Variants in PHB2 observed in about 807,000 individuals in gnomAD.
PHB2 encodes the protein prohibitin 2, also known as prohibitin-2.
Under a neutral mutation model 46.4 loss-of-function variants are expected in PHB2, and 22 were observed. That is an observed-to-expected ratio of 0.47 (90% CI 0.34 to 0.68). The LOEUF is 0.68. PHB2 is among the 30% of genes least tolerant of loss of function. The probability of loss-of-function intolerance (pLI) is 0.01; values close to 1 mark genes in which losing one functional copy is unlikely to be tolerated. For missense variants in PHB2, 305 were observed against 382.8 expected (o/e 0.80, Z 1.70); for synonymous variants, 156 against 150.5 (o/e 1.04, Z -0.27).
In PHB2 at chr12:6,965,829, G is replaced by A. The variant is rs1946203094; in HGVS notation, c.872+82C>T. 6 of 1,578,702 alleles carry A rather than the reference G, an allele frequency of 3.8e-6. No individual in the cohort carries two copies. The South Asian group carries it at 4.5e-5, about 12-fold the overall frequency. ...ACCCTGATTGAGGGTTTGTCTTCGG[G>A]GAGGTGGGAAAGGGGGTAGGGTAGG... On this transcript the variant is annotated intron_variant, in intron 9 of 9. Coordinates refer to ENST00000535923, the MANE Select transcript of PHB2 (RefSeq NM_001144831.2).
Position 6,969,563 on chromosome 12 carries a change from T to A in PHB2, c.227A>T (p.Gln76Leu). 6.2e-7 allele frequency: 1 copy of A among 1,606,782 alleles called. No individual in the cohort carries two copies. The highest frequency in any genetic ancestry group is 8.5e-7 in the Non-Finnish European group (1 of 1,174,020). ...CCGAATGTCATAGATAATGGGGTAC[T>A]GGAACCAAGGGATCCTGGAGAGGAC... Reference protein sequence around the residue: ...EGLHFRIPWFQYPIIYDIRAR... With the variant: ...EGLHFRIPWFLYPIIYDIRAR... The change falls in exon 3 of 10, where the codon CAG becomes CTG. Residue 76 changes from glutamine (Q) to leucine (L), a missense_variant. Gln to Leu is a moderately radical substitution (Grantham distance 113). Around this residue, in one of 3 missense-constraint regions of PHB2, gnomAD observed 241 missense variants for 302.7 expected, o/e 0.80. Coordinates refer to ENST00000535923, the MANE Select transcript of PHB2 (RefSeq NM_001144831.2).
rs782088443 is a variant in PHB2, at chr12:6,967,270, G to A, written c.712-22C>T. The A allele has an allele frequency of 6.2e-6, 10 of 1,613,306 alleles. No homozygotes were observed. Among genetic ancestry groups the A allele is most frequent in the African/African-American group, 2.7e-5 (2 of 74,914 alleles). Reference sequence around the variant, plus strand: ...CAAGGTGAGGAGGGTTAAGGTACACGCAAGGGCAGGTCTCAATCCCTGGCC... The same window carrying A: ...CAAGGTGAGGAGGGTTAAGGTACACACAAGGGCAGGTCTCAATCCCTGGCC... On this transcript the variant is annotated intron_variant, in intron 6 of 9. Coordinates refer to ENST00000535923, the MANE Select transcript of PHB2 (RefSeq NM_001144831.2). This position sits in a 1 kb window ranked among gnomAD's most constrained non-coding sequence, Gnocchi z 4.9.
rs1219620533 is a variant in PHB2 at position 6,970,568 on chromosome 12, T to G, written c.-25A>C. On this transcript the variant is annotated 5_prime_UTR_variant, in exon 1 of 10. Transcript: ENST00000535923. ...TGTCTGATCTTGAGGCCGGCGGCAC[T>G]GGAGGTCAGAAGGGGGTGCCGGCCC... The G allele has an allele frequency of 6.4e-7, 1 of 1,565,368 alleles. No individual in the cohort carries two copies. Among genetic ancestry groups the G allele is most frequent in the Admixed American group, 1.7e-5 (1 of 57,740 alleles).
chr12:6,968,431 G>A lies in PHB2; in HGVS notation c.457C>T (p.Leu153=). The change falls in exon 4 of 10, where the codon CTG becomes TTG. Residue 153 remains leucine, a synonymous_variant. Transcript: ENST00000535923. ...CAGACCTGGGCCCGCTGGGTGATCA[G>A]CTGTGAGGCATTGAACTTGGCCACC... The part of the protein sequence containing the change: ...SVVAKFNASQ[L]ITQRAQVSLL... 6.2e-7 allele frequency: 1 copy of A among 1,611,350 alleles called. No homozygotes were observed. The highest frequency in any genetic ancestry group is 8.5e-7 in the Non-Finnish European group (1 of 1,178,574).
chr12:6,967,335 G>A lies in PHB2; in HGVS notation c.712-87C>T, dbSNP rs782658258. On this transcript the variant is annotated intron_variant, in intron 6 of 9. Coordinates refer to ENST00000535923, the MANE Select transcript of PHB2 (RefSeq NM_001144831.2). This position sits in a 1 kb window ranked among gnomAD's most constrained non-coding sequence, Gnocchi z 4.9. ...CTCCCTTGCTCCAGTCCTCCTCTGG[G>A]CTGTCAGATCCAAGGTTGCGCTCAG... 4 of 1,611,492 alleles carry A rather than the reference G, an allele frequency of 2.5e-6. No individual in the cohort carries two copies. The East Asian group carries it at 6.7e-5, about 27-fold the overall frequency.
chr12:6,970,252 G>A lies in PHB2; in HGVS notation c.156C>T (p.Phe52=). 1 of 1,613,776 alleles carries A rather than the reference G, an allele frequency of 6.2e-7. No homozygotes were observed. ...CCTGCTGCACTCCACCGATCCGATT[G>A]AAGAAGATGGCTCTGTGCCCGCCTT... ...TVEGGHRAIF[F]NRIGGVQQDT... Residue 52 remains phenylalanine, a synonymous_variant, in exon 2 of 10, where the codon TTC becomes TTT. Transcript: ENST00000535923.
rs1946199392 is a variant in PHB2 at position 6,965,673 on chromosome 12, T to A, written c.*12A>T. On this transcript the variant is annotated 3_prime_UTR_variant, in exon 10 of 10. Coordinates refer to ENST00000535923, the MANE Select transcript of PHB2 (RefSeq NM_001144831.2). The stretch of plus-strand genomic sequence containing the variant: ...CCACTTCCTCTGGGGGTGGAGTTCT[T>A]GGTGACTAGGCTCATTTCTTACCCT... 3 of 1,611,006 alleles carry A rather than the reference T, an allele frequency of 1.9e-6. No homozygotes were observed. The highest frequency in any genetic ancestry group is 2.7e-5 in the African/African-American group (2 of 74,812).
Position 6,970,429 on chromosome 12 carries a change from A to C in PHB2, c.115T>G (p.Ser39Ala), listed in dbSNP as rs1555151894. The C allele has an allele frequency of 6.2e-7, 1 of 1,604,044 alleles. No homozygotes were observed. The highest frequency in any genetic ancestry group is 2.2e-5 in the East Asian group (1 of 44,860). The change falls in exon 1 of 10, where the codon TCT becomes GCT. Residue 39 changes from serine to alanine, a missense_variant. Physicochemically the swap from Ser to Ala is moderately conservative, Grantham distance 99. Transcript: ENST00000535923. ...AGAVAYGVRESVFTVEGGHRA... is the reference protein window; with the variant it reads ...AGAVAYGVREAVFTVEGGHRA... Reference sequence around the variant, plus strand: ...GGAGGTTGCTCACCGGTGAACACAGATTCGCGCACACCGTAGGCCACGGCG... The same window carrying C: ...GGAGGTTGCTCACCGGTGAACACAGCTTCGCGCACACCGTAGGCCACGGCG...
chr12:6,968,082 G>A, intron 4 of PHB2, 61 bp from the exon 5 acceptor site: 1 of 1,476,524 alleles, frequency 6.8e-7, no homozygotes, highest in Non-Finnish European at 9.2e-7. Context: ...GGAGCTGAAA[G>A]GAAGGTTGCG....
rs1196946321 is a variant in PHB2, at chr12:6,967,176, T to TG, written c.783dup (p.Lys262GlnfsTer15). 1.3e-6 allele frequency: 2 copies of TG among 1,571,792 alleles called. No individual in the cohort carries two copies. Among genetic ancestry groups the TG allele is most frequent in the Non-Finnish European group, 1.7e-6 (2 of 1,156,780 alleles). On this transcript the variant is annotated frameshift_variant, in exon 7 of 10. Transcript: ENST00000535923. LOFTEE classifies it high-confidence loss of function. The surrounding 1 kb of genome is among the most constrained non-coding windows in gnomAD (Gnocchi z 4.9). ...CGCTGGGCTGACACACTCACCGTCT[T>TG]GGAGATATTCTGGGCTGCTCGAATC...
chr12:6,965,713 CTG>C lies in PHB2; in HGVS notation c.873-3_873-2del, dbSNP rs111523336. On this transcript the variant is annotated splice_acceptor_variant and splice_polypyrimidine_tract_variant and intron_variant, in intron 9 of 9. Coordinates refer to ENST00000535923, the MANE Select transcript of PHB2 (RefSeq NM_001144831.2). LOFTEE classifies it high-confidence loss of function. ...TTTCTTACCCTTGATGAGGCTGTCA[CTG>C]TAGGAAAAAAAAGATAGATAATGAC... The C allele has an allele frequency of 1.5e-3, 2,466 of 1,611,168 alleles. 79 individuals carry two copies. In the East Asian group the frequency reaches 0.037, roughly 24 times the overall value.
chr12:6,970,372 G>T, intron 1 of PHB2, 45 bp downstream of exon 1: 1 of 1,604,640 alleles, frequency 6.2e-7, no homozygotes, highest in Admixed American at 1.7e-5. Context: ...AAGGGGTTTG[G>T]GGGAGGGACT....
In PHB2 at chr12:6,965,661, G is replaced by T. The variant is rs782276705; in HGVS notation, c.*24C>A. 1 of 1,602,784 alleles carries T rather than the reference G, an allele frequency of 6.2e-7. No individual in the cohort carries two copies. Reference sequence around the variant, plus strand: ...GGAGAAGCAGATCCACTTCCTCTGGGGGTGGAGTTCTTGGTGACTAGGCTC... The same window carrying T: ...GGAGAAGCAGATCCACTTCCTCTGGTGGTGGAGTTCTTGGTGACTAGGCTC... On this transcript the variant is annotated 3_prime_UTR_variant, in exon 10 of 10. Transcript: ENST00000535923.
chr12:6,965,863 A>G (rs1369650320), intron 9 of PHB2, 48 bp downstream of exon 9: 12 of 1,597,084 alleles, frequency 7.5e-6, no homozygotes, highest in Non-Finnish European at 1.0e-5. Flanking sequence ...GGAGGCGGGT[A>G]CTGGAGAAGG....
Position 6,966,458 on chromosome 12 carries a change from G to C in PHB2, c.832C>G (p.Leu278Val). Residue 278 changes from leucine to valine, a missense_variant, in exon 8 of 10, where the codon CTT becomes GTT. Transcript: ENST00000535923. ...QNRIYLTADN[L>V]VLNLQDESFT... ...CTTTCATCCTGTAGGTTCAGCACAA[G>C]GTTGTCAGCTGTGAGATAGATACGA... 6.2e-7 allele frequency: 1 copy of C among 1,611,054 alleles called. No individual in the cohort carries two copies. The highest frequency in any genetic ancestry group is 8.5e-7 in the Non-Finnish European group (1 of 1,177,220).
At position 6,970,533 on chromosome 12, in the gene PHB2, T is replaced by C; in HGVS notation, c.11A>G (p.Asn4Ser). Reference sequence around the variant, plus strand: ...CAGCCGTCCCGCCAAGTCCTTCAAGTTCTGGGCCATGTCTGATCTTGAGGC... The same window carrying C: ...CAGCCGTCCCGCCAAGTCCTTCAAGCTCTGGGCCATGTCTGATCTTGAGGC... Reference protein sequence around the residue: MAQNLKDLAGRLPA... With the variant: MAQSLKDLAGRLPA... Residue 4 changes from asparagine to serine, a missense_variant, in exon 1 of 10, where the codon AAC becomes AGC. By Grantham distance (46) the Asn-to-Ser change is conservative. Around this residue, in one of 3 missense-constraint regions of PHB2, gnomAD observed 60 missense variants for 61.0 expected, o/e 0.98. Transcript: ENST00000535923. 1 of 1,602,780 alleles carries C rather than the reference T, an allele frequency of 6.2e-7. No individual in the cohort carries two copies. Among genetic ancestry groups the C allele is most frequent in the Non-Finnish European group, 8.5e-7 (1 of 1,177,418 alleles).
Position 6,967,488 on chromosome 12 carries a change from G to C in PHB2, c.711+188C>G, listed in dbSNP as rs781933900. On this transcript the variant is annotated intron_variant, in intron 6 of 9. Coordinates refer to ENST00000535923, the MANE Select transcript of PHB2 (RefSeq NM_001144831.2). The surrounding 1 kb of genome is among the most constrained non-coding windows in gnomAD (Gnocchi z 4.9). The stretch of plus-strand genomic sequence containing the variant: ...TGCTATTGATCTGGCCTTACAGTGG[G>C]GAGTCATGGCTCAGGTACTACCACT... The C allele has an allele frequency of 2.8e-5, 27 of 956,312 alleles. No individual in the cohort carries two copies. Among genetic ancestry groups the C allele is most frequent in the Non-Finnish European group, 4.4e-5 (26 of 592,218 alleles). 59.2% of individuals were successfully genotyped at this position (956,312 alleles called of 1,614,324 possible).
intron 9 of PHB2, 85 bp downstream of exon 9, chr12:6,965,825 TC>T: frequency 6.3e-7 from 1 of 1,574,960 alleles, no homozygotes; most frequent in East Asian, 2.2e-5. Flanking sequence ...GGGTTTGTCT[TC>T]GGGGAGGTGG....
Position 6,970,617 on chromosome 12 carries a change from GTACT to G in PHB2, c.-78_-75del. On this transcript the variant is annotated 5_prime_UTR_variant, in exon 1 of 10. Coordinates refer to ENST00000535923, the MANE Select transcript of PHB2 (RefSeq NM_001144831.2). The stretch of plus-strand genomic sequence containing the variant: ...CCGCCTCTACCCCGCTCCGGCTTAG[GTACT>G]GCACCCTTCACACGAGGGTTCGGGC... 1 of 1,490,982 alleles carries G rather than the reference GTACT, an allele frequency of 6.7e-7. No individual in the cohort carries two copies. Among genetic ancestry groups the G allele is most frequent in the Non-Finnish European group, 9.0e-7 (1 of 1,115,128 alleles). The allele number at this position is 1,490,982 out of a possible 1,614,324, so 92.4% of individuals were successfully genotyped here. A position where few individuals can be genotyped will look rare whatever the true frequency, so the allele number is the denominator to read the frequency against.
Sources: allele counts gnomAD v4.1 joint callset, GRCh38; gene constraint gnomAD v4.1.1; regional missense constraint gnomAD v4.1.1; non-coding constraint Gnocchi (gnomAD v3.1); transcripts MANE v1.5; gene names NCBI Gene and HGNC (gene_info 2026-07-23, HGNC 2026-07-21).